The following ORC1 variants were observed in gnomAD, a reference collection of about 807,000 sequenced individuals.
The protein encoded by ORC1 is origin recognition complex subunit 1.
In ORC1, 61 loss-of-function variants were observed where a neutral mutation model predicts 98.9. That is an observed-to-expected ratio of 0.62 (90% CI 0.50 to 0.76). ORC1 has a LOEUF of 0.76. Ranked by LOEUF, ORC1 falls within the 30% of genes least tolerant of loss-of-function variation. The pLI is 0.00. For missense variants in ORC1, 979 were observed against 1,072.2 expected, an observed-to-expected ratio of 0.91 and a Z score of 1.21; for synonymous variants, 385 against 406.9, an observed-to-expected ratio of 0.95 and a Z score of 0.65.
upstream of ORC1, chr1:52,404,759 C>T: frequency 6.2e-7 from 1 of 1,613,314 alleles, no homozygotes; most frequent in Non-Finnish European, 8.5e-7. Context: ...AATGGCTAAC[C>T]GTACAGTGAA....
chr1:52,390,901 G>GA (rs112674214), intron 6 of ORC1, among the ~76,000 whole-genome samples: 3,204 of 77,442 alleles, frequency 0.041, 120 homozygotes, highest in Admixed American at 0.18. Flanking sequence ...TCCAAAAAAA[G>GA]AAAAAAAAAA....
intron 11 of ORC1, 86 bp from the exon 12 acceptor site, chr1:52,384,023 A>C: frequency 1.8e-6 from 2 of 1,083,822 alleles, no homozygotes; most frequent in Non-Finnish European, 2.9e-6. Flanking sequence ...GGAGGGAGGC[A>C]TTTAACCTGA....
chr1:52,404,350 C>T lies in ORC1; in HGVS notation c.-110G>A. The T allele has an allele frequency of 6.1e-6, 1 of 162,964 alleles. No individual in the cohort carries two copies. The highest frequency in any genetic ancestry group is 1.3e-4 in the South Asian group (1 of 7,700). 10.1% of individuals were successfully genotyped at this position (162,964 alleles called of 1,614,324 possible). On this transcript the variant is annotated 5_prime_UTR_variant, in exon 1 of 17. Coordinates refer to ENST00000371568, the MANE Select transcript of ORC1 (RefSeq NM_004153.4). ...GCACCTCTAACCTGCACCAGCAGGG[C>T]TCCTTCTACAACTACGGGCCGAAAG...
At chr1:52,383,736 G>A (rs1461377357) in intron 12 of ORC1, 94 bp downstream of exon 12, 2 of 1,297,540 alleles carry the variant, frequency 1.5e-6, no homozygotes, top group Non-Finnish European at 2.2e-6. Flanking sequence ...TCATATGAAT[G>A]GAGAAGGGAG....
At chr1:52,404,951 C>T (rs151310091), upstream of ORC1, 1,380 of 1,563,116 alleles carry the variant, frequency 8.8e-4, 3 homozygotes, top group Non-Finnish European at 1.1e-3. Context: ...GCGGGTAGGA[C>T]TAGCGACTGG....
At chr1:52,379,815 C>T (rs1260247781) in intron 14 of ORC1, among the ~76,000 whole-genome samples, 1 of 151,966 alleles carries the variant, frequency 6.6e-6, no homozygotes, top group African/African-American at 2.4e-5. Flanking sequence ...CACCTATAGT[C>T]CCAGCTACTT....
intron 10 of ORC1, 43 bp downstream of exon 10, chr1:52,385,118 G>T (rs377031361): frequency 2.9e-4 from 350 of 1,194,556 alleles, no homozygotes; most frequent in Non-Finnish European, 4.1e-4. Flanking sequence ...CACTAGCAGG[G>T]GCCTTATTCC....
intron 3 of ORC1, 53 bp downstream of exon 3, chr1:52,401,309 C>T: frequency 6.2e-7 from 1 of 1,609,936 alleles, no homozygotes; most frequent in Non-Finnish European, 8.5e-7. Flanking sequence ...AATCTCCCCA[C>T]CTCCCAATCA....
At chr1:52,404,980 G>A (rs1647933834), upstream of ORC1, 2 of 1,412,740 alleles carry the variant, frequency 1.4e-6, no homozygotes, top group Non-Finnish European at 1.9e-6. Flanking sequence ...GGTGGTACTG[G>A]AACGGAGTAT....
At chr1:52,402,462 T>C (rs1039270690) in intron 1 of ORC1, among the ~76,000 whole-genome samples, 1 of 152,232 alleles carries the variant, frequency 6.6e-6, no homozygotes. Flanking sequence ...GCCGTATCTC[T>C]TTCCATCCAG....
intron 5 of ORC1, 88 bp from the exon 6 acceptor site, chr1:52,393,891 T>G: frequency 7.3e-7 from 1 of 1,375,944 alleles, no homozygotes; most frequent in South Asian, 1.2e-5. Context: ...GCCACTGAGT[T>G]ATATGTAAAA....
upstream of ORC1, chr1:52,405,623 A>T: frequency 6.4e-7 from 1 of 1,558,670 alleles, no homozygotes; most frequent in Non-Finnish European, 8.8e-7. Context: ...AACTAACTCC[A>T]CTCCAACTAG....
upstream of ORC1, among the ~76,000 whole-genome samples, chr1:52,407,761 A>C (rs915901848): frequency 2.6e-5 from 4 of 152,212 alleles, no homozygotes; most frequent in African/African-American, 9.6e-5. Flanking sequence ...TCTCTACTAA[A>C]AATACAAAAA....
chr1:52,400,821 T>C (rs1647669644), intron 3 of ORC1, among the ~76,000 whole-genome samples: 2 of 152,184 alleles, frequency 1.3e-5, no homozygotes, highest in African/African-American at 2.4e-5. Flanking sequence ...CTGCACTTAC[T>C]CATCTCTGGT....
At chr1:52,406,255 G>T (rs1313463612), upstream of ORC1, among the ~76,000 whole-genome samples, 1 of 152,002 alleles carries the variant, frequency 6.6e-6, no homozygotes, top group Non-Finnish European at 1.5e-5. Context: ...GCCTCCCAGA[G>T]TGCTGGGATT....
chr1:52,384,693 T>C lies in ORC1; in HGVS notation c.1612A>G (p.Thr538Ala), dbSNP rs754207878. The C allele has an allele frequency of 2.5e-6, 4 of 1,613,818 alleles. No individual in the cohort carries two copies. The highest frequency in any genetic ancestry group is 3.4e-6 in the Non-Finnish European group (4 of 1,179,924). ...TCATGAACAGTGGCAGTCTTCCCTG[T>C]CCCAGGGACACCGGAGATGTACATG... is the stretch of plus-strand genomic sequence containing the variant. ...GCMYISGVPGTGKTATVHEVI... is the reference protein window; with the variant it reads ...GCMYISGVPGAGKTATVHEVI... The change falls in exon 11 of 17, where the codon ACA becomes GCA. Residue 538 changes from threonine to alanine, a missense_variant. Physicochemically the swap from Thr to Ala is moderately conservative, Grantham distance 58. Coordinates refer to ENST00000371568, the MANE Select transcript of ORC1 (RefSeq NM_004153.4).
chr1:52,385,746 T>C (rs1387365402), intron 9 of ORC1, 106 bp downstream of exon 9: 46 of 774,978 alleles, frequency 5.9e-5, no homozygotes, highest in Admixed American at 1.2e-4. Flanking sequence ...AGACACACAG[T>C]GTATCTACCT....
At chr1:52,404,677 C>G (rs1647916610), upstream of ORC1, 9 of 1,530,466 alleles carry the variant, frequency 5.9e-6, no homozygotes, top group East Asian at 2.3e-5. Flanking sequence ...CTCCATTCCT[C>G]TAGGTGCTTT....
chr1:52,388,461 G>A lies in ORC1; in HGVS notation c.1364C>T (p.Thr455Met), dbSNP rs753121823. ...CCTTACACTCTTCTTTGGCACCTTC[G>A]TGAGGGTATGTAAGGATGACTTCAA... ...SSLKSSLHTL[T>M]KVPKKSLKPR... Residue 455 changes from threonine to methionine, a missense_variant, in exon 8 of 17, where the codon ACG becomes ATG. Transcript: ENST00000371568. 1.4e-5 allele frequency: 22 copies of A among 1,613,904 alleles called. No homozygotes were observed. Among genetic ancestry groups the A allele is most frequent in the Admixed American group, 5.0e-5 (3 of 60,006 alleles).
Sources: allele counts gnomAD v4.1 joint callset (sites outside exome capture counted in the v4.1 genomes callset), GRCh38; gene constraint gnomAD v4.1.1; transcripts MANE v1.5; gene names NCBI Gene and HGNC (gene_info 2026-07-23, HGNC 2026-07-21).